Variants in CUTC observed in about 807,000 individuals in gnomAD.
The protein encoded by CUTC is cutC copper transporter, also known as copper homeostasis protein cutC homolog.
In CUTC, 27 loss-of-function variants were observed where a neutral mutation model predicts 36.2. The observed-to-expected ratio is 0.75, with a 90% CI of 0.55 to 1.03. CUTC has a LOEUF of 1.03. CUTC is among the 50% of genes least tolerant of loss of function. CUTC has a pLI of 0.00. For missense variants in CUTC, 315 were observed against 343.5 expected (o/e 0.92, Z 0.66); for synonymous variants, 114 against 118.3 (o/e 0.96, Z 0.24).
chr10:99,755,878 A>G lies in CUTC; in HGVS notation c.*139A>G, dbSNP rs1372126822. The G allele has an allele frequency of 5.2e-6, 3 of 577,392 alleles. No individual in the cohort carries two copies. Among genetic ancestry groups the G allele is most frequent in the Non-Finnish European group, 9.2e-6 (3 of 326,612 alleles). The allele number at this position is 577,392 out of a possible 1,614,324, so 35.8% of individuals were successfully genotyped here. ...TTTTAAGTTTCACATGGCCATGGAGAATGTGCCCAAGAAGAAAAAGAATTT... is the reference window on the plus strand; with the variant it reads ...TTTTAAGTTTCACATGGCCATGGAGGATGTGCCCAAGAAGAAAAAGAATTT... On this transcript the variant is annotated 3_prime_UTR_variant, in exon 9 of 9. Coordinates refer to ENST00000370476, the MANE Select transcript of CUTC (RefSeq NM_015960.3).
chr10:99,752,795 A>G (rs560935191), intron 7 of CUTC, among the ~76,000 whole-genome samples: 3 of 152,350 alleles, frequency 2.0e-5, no homozygotes, highest in Non-Finnish European at 2.9e-5. Flanking sequence ...TTGTGTGACA[A>G]TTATGTATAT....
In CUTC at chr10:99,755,629, T is replaced by G; in HGVS notation, c.712T>G (p.Ser238Ala). 6.2e-7 allele frequency: 1 copy of G among 1,601,260 alleles called. No homozygotes were observed. The highest frequency in any genetic ancestry group is 8.6e-7 in the Non-Finnish European group (1 of 1,168,744). Reference sequence around the variant, plus strand: ...CCTTTATTATTTCTGTTACAGAAATTCATCTGTTGCCATGGGAGCCTCACT... The same window carrying G: ...CCTTTATTATTTCTGTTACAGAAATGCATCTGTTGCCATGGGAGCCTCACT... ...TRDSGMKFRN[S>A]SVAMGASLSC... The change falls in exon 9 of 9, where the codon TCA becomes GCA. Residue 238 changes from serine to alanine, a missense_variant. Transcript: ENST00000370476.
chr10:99,748,445 G>C (rs1312990661), intron 6 of CUTC, among the ~76,000 whole-genome samples: 4 of 152,116 alleles, frequency 2.6e-5, no homozygotes, highest in African/African-American at 9.7e-5. Flanking sequence ...GCTATTCTGG[G>C]ATGTAATGGT....
At chr10:99,741,052 T>C (rs1001851231) in intron 3 of CUTC, among the ~76,000 whole-genome samples, 5 of 152,266 alleles carry the variant, frequency 3.3e-5, no homozygotes, top group African/African-American at 1.2e-4. Context: ...TTGTTTCATT[T>C]GATTTATCAT....
chr10:99,734,362 G>C (rs995836429), intron 1 of CUTC, among the ~76,000 whole-genome samples: 3 of 151,982 alleles, frequency 2.0e-5, no homozygotes, highest in African/African-American at 7.2e-5. Flanking sequence ...CCACCGCGCC[G>C]GACAGGGACT....
intron 6 of CUTC, among the ~76,000 whole-genome samples, chr10:99,749,858 C>G (rs1043766047): frequency 1.3e-5 from 2 of 152,024 alleles, no homozygotes; most frequent in Admixed American, 1.3e-4. Context: ...TGTGCATTGT[C>G]TCGTCTTTCT....
chr10:99,745,129 T>C (rs1301534507), intron 5 of CUTC, among the ~76,000 whole-genome samples: 2 of 152,238 alleles, frequency 1.3e-5, no homozygotes. Context: ...TATTTTGCCT[T>C]CAGAGAGCAC....
chr10:99,735,111 A>C (rs1157708722), intron 1 of CUTC, among the ~76,000 whole-genome samples: 115 of 150,978 alleles, frequency 7.6e-4, no homozygotes, highest in African/African-American at 2.6e-3. Context: ...CAAAAAAAAA[A>C]AAAAAAAAAA....
chr10:99,744,747 A>G (rs557315384), intron 5 of CUTC, among the ~76,000 whole-genome samples: 120 of 152,264 alleles, frequency 7.9e-4, no homozygotes, highest in Middle Eastern at 3.4e-3. Context: ...AATCAGGTAG[A>G]TATAATTTTT....
intron 2 of CUTC, 69 bp from the exon 3 acceptor site, chr10:99,739,641 A>T (rs2037324407): frequency 1.5e-6 from 2 of 1,362,596 alleles, no homozygotes; most frequent in Middle Eastern, 1.8e-4. Flanking sequence ...AAAAATATAT[A>T]TAAACAGGTT....
Position 99,740,969 on chromosome 10 carries a change from A to T in CUTC, c.193+1200A>T, listed in dbSNP as rs141187917. On this transcript the variant is annotated intron_variant, in intron 3 of 8. Transcript: ENST00000370476. ...CTGATGTCTCTTAACTTTTTTGAAC[A>T]TGTGGAATAAAGTTATGATAGCTGT... Among the ~76,000 whole-genome samples the T allele has an allele frequency of 1.6e-3, 243 of 152,292 alleles. 1 individual carries two copies. Among genetic ancestry groups the T allele is most frequent in the African/African-American group, 5.6e-3 (232 of 41,550 alleles).
rs373427904 is a variant in CUTC at position 99,732,383 on chromosome 10, G to T, written c.35G>T (p.Arg12Leu). The T allele has an allele frequency of 1.9e-6, 3 of 1,553,086 alleles. No homozygotes were observed. In the African/African-American group the frequency reaches 4.1e-5, roughly 21 times the overall value. ...CAGGGGGCCTCCTCTGAGCGAAAAC[G>T]AGCGCGGATACCGTCCGGGAAGGCC... ...KRQGASSERK[R>L]ARIPSGKAGA... The change falls in exon 1 of 9, where the codon CGA (arginine) becomes CTA (leucine). Residue 12 changes from arginine to leucine, a missense_variant. Coordinates refer to ENST00000370476, the MANE Select transcript of CUTC (RefSeq NM_015960.3).
At chr10:99,747,135 T>C in intron 5 of CUTC, 122 bp from the exon 6 acceptor site, 1 of 1,050,700 alleles carries the variant, frequency 9.5e-7, no homozygotes, top group Non-Finnish European at 1.4e-6. Context: ...GAGTGTTTAA[T>C]AATTGGCCTT....
chr10:99,742,112 T>C (rs2037345798), intron 3 of CUTC, among the ~76,000 whole-genome samples: 2 of 152,246 alleles, frequency 1.3e-5, no homozygotes, highest in Non-Finnish European at 2.9e-5. Context: ...ATTGACTTAC[T>C]AACTTCATTG....
chr10:99,746,857 G>C (rs574740584), intron 5 of CUTC, among the ~76,000 whole-genome samples: 1 of 152,016 alleles, frequency 6.6e-6, no homozygotes, highest in South Asian at 2.1e-4. Context: ...CTGCAGTCTC[G>C]ACCCCTTAGG....
chr10:99,748,657 G>A (rs2037396947), intron 6 of CUTC, among the ~76,000 whole-genome samples: 1 of 152,090 alleles, frequency 6.6e-6, no homozygotes, highest in Non-Finnish European at 1.5e-5. Context: ...CCCCAAATTT[G>A]GGGAAATGAA....
intron 3 of CUTC, 121 bp downstream of exon 3, chr10:99,739,890 C>A: frequency 1.4e-6 from 1 of 731,764 alleles, no homozygotes; most frequent in Non-Finnish European, 2.3e-6. Flanking sequence ...GATGTTGTAT[C>A]AGAAATGTTT....
intron 1 of CUTC, among the ~76,000 whole-genome samples, chr10:99,733,437 AAG>A (rs1456495437): frequency 1.3e-5 from 2 of 152,168 alleles, no homozygotes; most frequent in African/African-American, 2.4e-5. Flanking sequence ...ACAACAAAAA[AAG>A]CAAAAGAGTG....
intron 1 of CUTC, chr10:99,732,717 C>T (rs978687083): frequency 6.8e-5 from 44 of 646,138 alleles, no homozygotes; most frequent in Non-Finnish European, 8.5e-5. Flanking sequence ...CACGAGGATG[C>T]CAGTACCGCC....
Sources: gnomAD v4.1 joint callset for allele counts (sites outside exome capture counted in the v4.1 genomes callset) on GRCh38, gnomAD v4.1.1 for gene constraint, MANE v1.5 for transcripts, NCBI Gene and HGNC (gene_info 2026-07-23, HGNC 2026-07-21) for gene names.